The following EIF4EBP1 variants were observed in gnomAD, a reference collection of about 807,000 sequenced individuals.
The protein encoded by EIF4EBP1 is eukaryotic translation initiation factor 4E-binding protein 1.
Under a neutral mutation model 9.2 loss-of-function variants are expected in EIF4EBP1, and 5 were observed. That is an observed-to-expected ratio of 0.54 (90% CI 0.28 to 1.14). EIF4EBP1 has a LOEUF of 1.14. Ranked by LOEUF, EIF4EBP1 falls within the 50% of genes most tolerant of loss-of-function variation. EIF4EBP1 has a pLI of 0.09. For synonymous variants in EIF4EBP1, 62 were observed against 67.0 expected (o/e 0.93, Z 0.36); for missense variants, 139 against 169.6 (o/e 0.82, Z 1.00).
At chr8:38,033,743 CTT>C (rs34809551) in intron 1 of EIF4EBP1, among the ~76,000 whole-genome samples, 49 of 104,252 alleles carry the variant, frequency 4.7e-4, no homozygotes, top group African/African-American at 1.7e-3. Flanking sequence ...GTTTGCTTTC[CTT>C]TTTTTTTTTT....
chr8:38,045,408 A>G (rs1352717829), intron 1 of EIF4EBP1, among the ~76,000 whole-genome samples: 1 of 152,188 alleles, frequency 6.6e-6, no homozygotes, highest in East Asian at 1.9e-4. Context: ...AGGTGAGGAA[A>G]CTAGAACCTA....
Position 38,033,847 on chromosome 8 carries a change from C to T in EIF4EBP1, c.145+3129C>T, listed in dbSNP as rs145149633. Among the ~76,000 whole-genome samples the T allele has an allele frequency of 8.2e-3, 1,216 of 148,840 alleles. 13 individuals carry two copies. The highest frequency in any genetic ancestry group is 0.028 in the African/African-American group (1,135 of 40,556). On this transcript the variant is annotated intron_variant, in intron 1 of 2. Transcript: ENST00000338825. ...CTGCAAGCTCCGCCTCCCGGGTTCA[C>T]GCCATTCTCTTGCCTCAGCCTCCCA...
chr8:38,045,154 G>A (rs778922701), intron 1 of EIF4EBP1, among the ~76,000 whole-genome samples: 36 of 151,986 alleles, frequency 2.4e-4, no homozygotes, highest in Admixed American at 2.0e-3. Flanking sequence ...TAATCTTCAC[G>A]ATACTCCTCT....
chr8:38,038,052 C>T (rs1296636354), intron 1 of EIF4EBP1, among the ~76,000 whole-genome samples: 1 of 151,974 alleles, frequency 6.6e-6, no homozygotes, highest in Non-Finnish European at 1.5e-5. Flanking sequence ...GGATTACAGG[C>T]GTGAGCCACT....
intron 1 of EIF4EBP1, among the ~76,000 whole-genome samples, chr8:38,034,550 T>C (rs981031615): frequency 2.0e-5 from 3 of 152,200 alleles, no homozygotes; most frequent in African/African-American, 4.8e-5. Context: ...AGAAAGAAAC[T>C]TTCCCTCATC....
chr8:38,051,175 C>T (rs1038054973), intron 1 of EIF4EBP1, among the ~76,000 whole-genome samples: 10 of 152,150 alleles, frequency 6.6e-5, no homozygotes, highest in Admixed American at 5.9e-4. Context: ...AGATTCCATG[C>T]TGTGCCTAAT....
intron 1 of EIF4EBP1, among the ~76,000 whole-genome samples, chr8:38,053,180 G>A (rs1809549529): frequency 6.6e-6 from 1 of 152,036 alleles, no homozygotes; most frequent in East Asian, 2.0e-4. Context: ...ACCACGCCCA[G>A]CTAATTTTTG....
Position 38,031,613 on chromosome 8 carries a change from G to C in EIF4EBP1, c.145+895G>C, listed in dbSNP as rs750470421. On this transcript the variant is annotated intron_variant, in intron 1 of 2. Coordinates refer to ENST00000338825, the MANE Select transcript of EIF4EBP1 (RefSeq NM_004095.4). ...CTCTCCCTTCATTCTCCTCCACGCT[G>C]CTTTCCATACTACTAGAAAACGCGA... 3.3e-5 allele frequency among the ~76,000 whole-genome samples: 5 copies of C among 152,164 alleles called. No homozygotes were observed. In the East Asian group the frequency reaches 9.6e-4, roughly 29 times the overall value.
intron 1 of EIF4EBP1, among the ~76,000 whole-genome samples, chr8:38,053,639 G>A (rs1194993083): frequency 6.6e-6 from 1 of 152,210 alleles, no homozygotes; most frequent in Non-Finnish European, 1.5e-5. Context: ...ACTGAGAAGT[G>A]GAAGCAACCC....
intron 1 of EIF4EBP1, among the ~76,000 whole-genome samples, chr8:38,036,449 A>G (rs1585521927): frequency 6.6e-6 from 1 of 152,316 alleles, no homozygotes; most frequent in South Asian, 2.1e-4. Flanking sequence ...TCTGGGTGAC[A>G]AGAGTGAAAC....
At chr8:38,031,672 G>T (rs527442204) in intron 1 of EIF4EBP1, among the ~76,000 whole-genome samples, 2 of 152,172 alleles carry the variant, frequency 1.3e-5, no homozygotes, top group Non-Finnish European at 1.5e-5. Flanking sequence ...GGCGGGCGGG[G>T]GCCACATGCT....
intron 1 of EIF4EBP1, among the ~76,000 whole-genome samples, chr8:38,033,910 C>A (rs375981773): frequency 6.7e-4 from 102 of 152,104 alleles, no homozygotes; most frequent in African/African-American, 2.2e-3. Context: ...TCAAGCCCGG[C>A]TGATTTTTTG....
chr8:38,055,667 C>T (rs188721962), intron 1 of EIF4EBP1, among the ~76,000 whole-genome samples: 148 of 151,796 alleles, frequency 9.7e-4, no homozygotes, highest in African/African-American at 3.2e-3. Context: ...TATGGAACAC[C>T]GGATTCACTT....
intron 1 of EIF4EBP1, among the ~76,000 whole-genome samples, chr8:38,044,699 C>T (rs993440665): frequency 2.0e-5 from 3 of 152,170 alleles, no homozygotes; most frequent in Non-Finnish European, 2.9e-5. Flanking sequence ...CTTGGCCTCC[C>T]AAAGCATTGT....
chr8:38,055,966 C>A (rs1809589256), intron 1 of EIF4EBP1, among the ~76,000 whole-genome samples: 1 of 152,034 alleles, frequency 6.6e-6, no homozygotes, highest in African/African-American at 2.4e-5. Context: ...AGGGGCTCAG[C>A]AGGAGAGCCC....
Position 38,060,231 on chromosome 8 carries a change from G to C in EIF4EBP1, c.*296G>C. 1 of 271,452 alleles carries C rather than the reference G, an allele frequency of 3.7e-6. No homozygotes were observed. Among genetic ancestry groups the C allele is most frequent in the East Asian group, 4.6e-5 (1 of 21,630 alleles). 16.8% of individuals were successfully genotyped at this position (271,452 alleles called of 1,614,324 possible). A position where few individuals can be genotyped will look rare whatever the true frequency, so the allele number is the denominator to read the frequency against. ...TGGACAAGAACGAACCCTTCCTTCC[G>C]AATGATCAGCAGTTCCAGCCCCTCG... is the stretch of plus-strand genomic sequence containing the variant. On this transcript the variant is annotated 3_prime_UTR_variant, in exon 3 of 3. Coordinates refer to ENST00000338825, the MANE Select transcript of EIF4EBP1 (RefSeq NM_004095.4).
At chr8:38,044,529 C>G (rs1467984840) in intron 1 of EIF4EBP1, among the ~76,000 whole-genome samples, 1 of 152,216 alleles carries the variant, frequency 6.6e-6, no homozygotes, top group Admixed American at 6.5e-5. Context: ...GCCTCAAACT[C>G]CTGGGCTAAA....
chr8:38,031,517 C>A (rs1809220133), intron 1 of EIF4EBP1, among the ~76,000 whole-genome samples: 2 of 152,214 alleles, frequency 1.3e-5, no homozygotes, highest in African/African-American at 4.8e-5. Flanking sequence ...CGCCTGTTTG[C>A]ATGATGAAAT....
chr8:38,052,164 C>T (rs1007044515), intron 1 of EIF4EBP1, among the ~76,000 whole-genome samples: 1 of 152,230 alleles, frequency 6.6e-6, no homozygotes, highest in Non-Finnish European at 1.5e-5. Flanking sequence ...GCATCCATCC[C>T]ACCCACTCGT....
Sources: gnomAD v4.1 joint callset for allele counts (sites outside exome capture counted in the v4.1 genomes callset) on GRCh38, gnomAD v4.1.1 for gene constraint, MANE v1.5 for transcripts, NCBI Gene and HGNC (gene_info 2026-07-23, HGNC 2026-07-21) for gene names.